The following ZFAT variants were observed in gnomAD, a reference collection of about 807,000 sequenced individuals.
ZFAT encodes zinc finger and AT-hook domain containing.
Under a neutral mutation model 117.7 loss-of-function variants are expected in ZFAT, and 64 were observed. The observed-to-expected ratio is 0.54, with a 90% CI of 0.44 to 0.67. The LOEUF is 0.67. ZFAT is among the 30% of genes least tolerant of loss of function. The probability of loss-of-function intolerance (pLI) is 0.00; values close to 1 mark genes in which losing one functional copy is unlikely to be tolerated. For missense variants in ZFAT, 1,433 were observed against 1,584.5 expected, an observed-to-expected ratio of 0.90 and a Z score of 1.62; for synonymous variants, 679 against 615.0, an observed-to-expected ratio of 1.10 and a Z score of -1.54.
At chr8:134,826,725 A>C in the ZFAT span, among the ~76,000 whole-genome samples, 2 of 152,264 alleles carry the variant, frequency 1.3e-5, no homozygotes, top group South Asian at 4.1e-4. Flanking sequence ...AAATGTTCAT[A>C]AACTTAAGAT....
At chr8:134,540,008 A>C (rs1450371670) in intron 11 of ZFAT, among the ~76,000 whole-genome samples, 1 of 152,218 alleles carries the variant, frequency 6.6e-6, no homozygotes, top group African/African-American at 2.4e-5. Context: ...GGGCACCAAA[A>C]ACACAAGAGT....
rs78060468 is a variant in ZFAT, at chr8:134,504,035, T to C, written c.3492+5584A>G. 7.3e-3 allele frequency among the ~76,000 whole-genome samples: 1,110 copies of C among 152,282 alleles called. 18 individuals carry two copies. The highest frequency in any genetic ancestry group is 0.026 in the African/African-American group (1,060 of 41,558). ...TTATCAGGTCTCAGTAAAGCAGGAA[T>C]GGTGGCCGAGTCACAGAGAAGCAGG... On this transcript the variant is annotated intron_variant, in intron 15 of 15. Coordinates refer to ENST00000377838, the MANE Select transcript of ZFAT (RefSeq NM_020863.4).
At position 134,602,801 on chromosome 8, in the gene ZFAT, A is replaced by G. The variant is rs762197638; in HGVS notation, c.918T>C (p.Tyr306=). ...EKPYKCPQCS[Y]ASAIKANLNV... ...TGAGGTTGGCCTTGATGGCACTGGCATAGCTGCACTGGGGGCACTTGTATG... is the reference window on the plus strand; with the variant it reads ...TGAGGTTGGCCTTGATGGCACTGGCGTAGCTGCACTGGGGGCACTTGTATG... Residue 306 remains tyrosine (Y), a synonymous_variant, in exon 6 of 16, where the codon TAT becomes TAC. Coordinates refer to ENST00000377838, the MANE Select transcript of ZFAT (RefSeq NM_020863.4). 5.0e-6 allele frequency: 8 copies of G among 1,614,214 alleles called. No individual in the cohort carries two copies. Among genetic ancestry groups the G allele is most frequent in the Non-Finnish European group, 6.8e-6 (8 of 1,180,044 alleles).
the ZFAT span, among the ~76,000 whole-genome samples, chr8:134,739,414 A>T: frequency 6.6e-6 from 1 of 152,154 alleles, no homozygotes; most frequent in South Asian, 2.1e-4. Context: ...GAGAAGAACC[A>T]GGATTTGGAA....
chr8:134,659,200 A>G (rs1344923384), intron 1 of ZFAT, among the ~76,000 whole-genome samples: 1 of 151,756 alleles, frequency 6.6e-6, no homozygotes, highest in Admixed American at 6.6e-5. Flanking sequence ...CTCGCTCCTC[A>G]CTCTCAACAG....
At chr8:134,697,806 C>A (rs1833909224) in intron 1 of ZFAT, among the ~76,000 whole-genome samples, 1 of 149,816 alleles carries the variant, frequency 6.7e-6, no homozygotes, top group South Asian at 2.1e-4. Flanking sequence ...ATCTTAAATC[C>A]CTGGGCTCAA....
intron 12 of ZFAT, among the ~76,000 whole-genome samples, chr8:134,524,480 T>C (rs1820882541): frequency 6.6e-6 from 1 of 152,220 alleles, no homozygotes; most frequent in African/African-American, 2.4e-5. Context: ...TATGAATTCT[T>C]CACTTCCCTG....
intron 15 of ZFAT, among the ~76,000 whole-genome samples, chr8:134,503,703 A>G (rs1217567984): frequency 6.6e-6 from 1 of 152,098 alleles, no homozygotes; most frequent in Non-Finnish European, 1.5e-5. Context: ...AAAGGAGGGA[A>G]TTCTTCCTCC....
intron 1 of ZFAT, among the ~76,000 whole-genome samples, chr8:134,662,700 C>CT (rs1831992624): frequency 2.0e-5 from 3 of 152,226 alleles, no homozygotes; most frequent in Middle Eastern, 3.2e-3. Flanking sequence ...ACTTTCAAGC[C>CT]TTTGAGTAAA....
intron 1 of ZFAT, among the ~76,000 whole-genome samples, chr8:134,667,219 T>C (rs1300336438): frequency 6.6e-6 from 1 of 151,912 alleles, no homozygotes; most frequent in Non-Finnish European, 1.5e-5. Context: ...GGTGGCTGGG[T>C]GCAGTGGCTC....
intron 1 of ZFAT, among the ~76,000 whole-genome samples, chr8:134,676,359 A>G (rs1173488220): frequency 6.6e-6 from 1 of 152,208 alleles, no homozygotes; most frequent in African/African-American, 2.4e-5. Context: ...AGTGCATTAC[A>G]TAATGGTAAA....
At chr8:134,804,151 C>T in the ZFAT span, among the ~76,000 whole-genome samples, 1 of 152,182 alleles carries the variant, frequency 6.6e-6, no homozygotes, top group Non-Finnish European at 1.5e-5. Context: ...TTATTCAGAT[C>T]TGTGGGGAAA....
In ZFAT at chr8:134,602,950, GC is replaced by G; in HGVS notation, c.786-18del. ...GGACCTAGCCTAGAAACAGATGACA[GC>G]ATGGTTACATCTGGAGACCTTGAAT... is the stretch of plus-strand genomic sequence containing the variant. On this transcript the variant is annotated intron_variant, in intron 5 of 15. Transcript: ENST00000377838. The G allele has an allele frequency of 6.3e-7, 1 of 1,589,902 alleles. No homozygotes were observed. Among genetic ancestry groups the G allele is most frequent in the Non-Finnish European group, 8.6e-7 (1 of 1,167,976 alleles).
upstream of ZFAT, chr8:134,713,104 C>T (rs909552012): frequency 4.9e-6 from 2 of 411,592 alleles, no homozygotes; most frequent in South Asian, 7.1e-5. Flanking sequence ...GACCCTCCCC[C>T]GGCGCCGAGC....
chr8:134,749,742 T>A, the ZFAT span, among the ~76,000 whole-genome samples: 8 of 152,240 alleles, frequency 5.3e-5, no homozygotes, highest in African/African-American at 1.7e-4. Flanking sequence ...AAAAATGTTA[T>A]CCTTTACCTA....
chr8:134,720,957 C>T, the ZFAT span, among the ~76,000 whole-genome samples: 1 of 152,216 alleles, frequency 6.6e-6, no homozygotes, highest in African/African-American at 2.4e-5. Flanking sequence ...AAGAACCCTC[C>T]TCCCAAAGAT....
chr8:134,484,266 T>A (rs1356413747), intron 15 of ZFAT, among the ~76,000 whole-genome samples: 1 of 152,188 alleles, frequency 6.6e-6, no homozygotes, highest in African/African-American at 2.4e-5. Flanking sequence ...ACGCTCTTGG[T>A]AGGCACATAG....
the ZFAT span, among the ~76,000 whole-genome samples, chr8:134,726,219 T>C: frequency 6.6e-6 from 1 of 152,040 alleles, no homozygotes; most frequent in Non-Finnish European, 1.5e-5. Flanking sequence ...AAAGTAAACT[T>C]GGAAGAGGGC....
At chr8:134,667,365 C>A (rs1036243522) in intron 1 of ZFAT, among the ~76,000 whole-genome samples, 2 of 151,786 alleles carry the variant, frequency 1.3e-5, no homozygotes, top group African/African-American at 2.4e-5. Flanking sequence ...TGGTGGCAGG[C>A]ACCTGTAGTC....
Sources: allele counts gnomAD v4.1 joint callset (sites outside exome capture counted in the v4.1 genomes callset), GRCh38; gene constraint gnomAD v4.1.1; transcripts MANE v1.5; gene names NCBI Gene and HGNC (gene_info 2026-07-23, HGNC 2026-07-21).